GXYLT2: variants seen among roughly 807,000 people sequenced by gnomAD.
The protein encoded by GXYLT2 is glucoside xylosyltransferase 2.
In GXYLT2, 53 loss-of-function variants were observed where a neutral mutation model predicts 45.8. The ratio of observed to expected loss-of-function variants is 1.16; its 90% CI spans 0.93 to 1.46. GXYLT2 has a LOEUF of 1.46. Among genes scored for constraint, GXYLT2 ranks in the 40% most tolerant of loss-of-function variants. The probability of loss-of-function intolerance (pLI) is 0.00; values close to 1 mark genes in which losing one functional copy is unlikely to be tolerated. For synonymous variants in GXYLT2, 219 were observed against 214.2 expected (o/e 1.02, Z -0.19); for missense variants, 551 against 544.4 (o/e 1.01, Z -0.12).
In GXYLT2 at chr3:72,936,300, GA is replaced by G. The variant is rs796602781; in HGVS notation, c.600+13980del. Among the ~76,000 whole-genome samples the G allele has an allele frequency of 0.012, 874 of 72,582 alleles. 25 individuals are homozygous for G. In the East Asian group the frequency reaches 0.12, roughly 10 times the overall value. The allele number at this position is 72,582 out of a possible 152,430, so 47.6% of individuals were successfully genotyped here. On this transcript the variant is annotated intron_variant, in intron 3 of 6. Transcript: ENST00000389617. ...GAGCAAGACTCCATCTCAAAAAAAAGAAAAAAAAAAAAAAAGAAAAAGAAGA... is the reference window on the plus strand; with the variant it reads ...GAGCAAGACTCCATCTCAAAAAAAAGAAAAAAAAAAAAAAGAAAAAGAAGA...
chr3:72,913,587 C>G (rs1042056296), intron 2 of GXYLT2, among the ~76,000 whole-genome samples: 2 of 151,774 alleles, frequency 1.3e-5, no homozygotes, highest in African/African-American at 4.8e-5. Flanking sequence ...CCCAGCTACT[C>G]GGGAGTCTGA....
At chr3:72,911,929 A>C (rs908056875) in intron 2 of GXYLT2, among the ~76,000 whole-genome samples, 1 of 147,976 alleles carries the variant, frequency 6.8e-6, no homozygotes, top group Non-Finnish European at 1.5e-5. Flanking sequence ...TATTATATAT[A>C]CTTAAATGTA....
At chr3:72,917,416 G>C (rs1320065958) in intron 2 of GXYLT2, among the ~76,000 whole-genome samples, 1 of 152,088 alleles carries the variant, frequency 6.6e-6, no homozygotes, top group East Asian at 1.9e-4. Flanking sequence ...ATTATACTGG[G>C]TAAATACTAG....
intron 3 of GXYLT2, among the ~76,000 whole-genome samples, chr3:72,934,460 C>G (rs902506413): frequency 6.6e-6 from 1 of 152,100 alleles, no homozygotes; most frequent in African/African-American, 2.4e-5. Context: ...TGACTTGAGA[C>G]AGCTAAATCT....
chr3:72,943,379 C>CT (rs72467098), intron 3 of GXYLT2, among the ~76,000 whole-genome samples: 2,186 of 141,328 alleles, frequency 0.015, 48 homozygotes, highest in African/African-American at 0.047. Context: ...TCTCTTTTTC[C>CT]TTTTTTTTTT....
chr3:72,970,451 C>A (rs1710966340), intron 6 of GXYLT2, among the ~76,000 whole-genome samples: 2 of 151,870 alleles, frequency 1.3e-5, no homozygotes, highest in African/African-American at 2.4e-5. Flanking sequence ...CAAGACCAGC[C>A]TGGGCAACAT....
intron 1 of GXYLT2, 100 bp from the exon 2 acceptor site, chr3:72,908,267 A>G: frequency 1.3e-6 from 1 of 745,140 alleles, no homozygotes; most frequent in Non-Finnish European, 2.2e-6. Flanking sequence ...ATTGTGCCTG[A>G]TCATGTTTTG....
At chr3:72,908,204 T>C in intron 1 of GXYLT2, 163 bp from the exon 2 acceptor site, 1 of 592,768 alleles carries the variant, frequency 1.7e-6, no homozygotes, top group South Asian at 2.3e-5. Flanking sequence ...ATGGTATTTT[T>C]CTCTAAGCAG....
intron 3 of GXYLT2, among the ~76,000 whole-genome samples, chr3:72,950,442 C>T (rs1710499884): frequency 6.6e-6 from 1 of 152,008 alleles, no homozygotes; most frequent in Non-Finnish European, 1.5e-5. Flanking sequence ...GCCCAGGCGA[C>T]AGTGCGAGAC....
intron 1 of GXYLT2, among the ~76,000 whole-genome samples, chr3:72,893,680 G>A (rs1269313402): frequency 2.6e-5 from 4 of 152,128 alleles, no homozygotes; most frequent in African/African-American, 7.2e-5. Flanking sequence ...TGTGCCAGCC[G>A]TGTTCCAAGA....
intron 1 of GXYLT2, among the ~76,000 whole-genome samples, chr3:72,899,995 T>C (rs1218178085): frequency 6.6e-6 from 1 of 152,188 alleles, no homozygotes; most frequent in East Asian, 1.9e-4. Context: ...CTAGTCTGTA[T>C]GGCAGCCTCA....
Position 72,888,197 on chromosome 3 carries a change from AGCCGCCTGGGGGCCGCCGCCGCCGCCGC to A in GXYLT2, c.-31_-4del. ...GCCGCCGCGATGCGCAGAGGGGCCGAGCCGCCTGGGGGCCGCCGCCGCCGCCGCGCCGCACCATGAAGCTCCGCAGCAA... is the reference window on the plus strand; with the variant it reads ...GCCGCCGCGATGCGCAGAGGGGCCGAGCCGCACCATGAAGCTCCGCAGCAA... On this transcript the variant is annotated 5_prime_UTR_variant, in exon 1 of 7. Transcript: ENST00000389617. 2 of 983,206 alleles carry A rather than the reference AGCCGCCTGGGGGCCGCCGCCGCCGCCGC, an allele frequency of 2.0e-6. No individual in the cohort carries two copies. Among genetic ancestry groups the A allele is most frequent in the Non-Finnish European group, 2.4e-6 (2 of 830,982 alleles). The allele number at this position is 983,206 out of a possible 1,614,324, so 60.9% of individuals were successfully genotyped here. A position where few individuals can be genotyped will look rare whatever the true frequency, so the allele number is the denominator to read the frequency against.
intron 5 of GXYLT2, among the ~76,000 whole-genome samples, chr3:72,959,106 CTTTTTTTTTTTTTTT>C (rs55680713): frequency 1.7e-5 from 1 of 60,000 alleles, no homozygotes; most frequent in African/African-American, 8.4e-5. Flanking sequence ...CCACACCCAG[CTTTTTTTTTTTTTTT>C]TTTTTTTTTT....
intron 2 of GXYLT2, among the ~76,000 whole-genome samples, chr3:72,909,171 C>T (rs1321284599): frequency 4.9e-5 from 7 of 143,580 alleles, no homozygotes; most frequent in South Asian, 4.4e-4. Context: ...TGGGTTCAAG[C>T]GATTCTTCTG....
At chr3:72,923,682 C>T (rs942094895) in intron 3 of GXYLT2, among the ~76,000 whole-genome samples, 4 of 152,068 alleles carry the variant, frequency 2.6e-5, no homozygotes, top group African/African-American at 9.7e-5. Flanking sequence ...CTAGTAGGGC[C>T]TTGAACAAAT....
At chr3:72,897,702 A>G (rs1199785467) in intron 1 of GXYLT2, among the ~76,000 whole-genome samples, 1 of 152,210 alleles carries the variant, frequency 6.6e-6, no homozygotes, top group African/African-American at 2.4e-5. Context: ...CATTTTACAG[A>G]TGAGGAAACT....
Position 72,975,265 on chromosome 3 carries a change from C to A in GXYLT2, c.*106C>A. 1 of 774,612 alleles carries A rather than the reference C, an allele frequency of 1.3e-6. No homozygotes were observed. Among genetic ancestry groups the A allele is most frequent in the Non-Finnish European group, 1.9e-6 (1 of 527,238 alleles). 48.0% of individuals were successfully genotyped at this position (774,612 alleles called of 1,614,324 possible). The stretch of plus-strand genomic sequence containing the variant: ...GTGAATATTTAATGGTGCTCCATGA[C>A]TGTTGAGTTTTAAAAACCTCGTTAA... On this transcript the variant is annotated 3_prime_UTR_variant, in exon 7 of 7. Coordinates refer to ENST00000389617, the MANE Select transcript of GXYLT2 (RefSeq NM_001080393.2).
At chr3:72,928,368 C>G (rs766833463) in intron 3 of GXYLT2, among the ~76,000 whole-genome samples, 2 of 152,204 alleles carry the variant, frequency 1.3e-5, no homozygotes, top group Admixed American at 1.3e-4. Context: ...CCTCCTTCCC[C>G]CTTCCAGTTC....
intron 3 of GXYLT2, among the ~76,000 whole-genome samples, chr3:72,952,005 C>CT (rs34302153): frequency 0.013 from 1,664 of 131,002 alleles, 23 homozygotes; most frequent in African/African-American, 0.043. Flanking sequence ...CCATGCCCAG[C>CT]TTTTTTTTTT....
Sources: allele counts gnomAD v4.1 joint callset (sites outside exome capture counted in the v4.1 genomes callset), GRCh38; gene constraint gnomAD v4.1.1; transcripts MANE v1.5; gene names NCBI Gene and HGNC (gene_info 2026-07-23, HGNC 2026-07-21).